Variants in CDH12 observed in about 807,000 individuals in gnomAD.
CDH12 encodes cadherin 12, also known as cadherin-12.
In CDH12, 41 loss-of-function variants were observed where a neutral mutation model predicts 74.1. That is an observed-to-expected ratio of 0.55 (90% confidence interval 0.43 to 0.72). The LOEUF is 0.72. Ranked by LOEUF, CDH12 falls within the 30% of genes least tolerant of loss-of-function variation. The pLI is 0.00. For missense variants in CDH12, 945 were observed against 977.2 expected, an observed-to-expected ratio of 0.97 and a Z score of 0.44; for synonymous variants, 399 against 355.0, an observed-to-expected ratio of 1.12 and a Z score of -1.39.
At chr5:22,240,943 G>A (rs533304755) in intron 3 of CDH12, among the ~76,000 whole-genome samples, 3 of 152,236 alleles carry the variant, frequency 2.0e-5, no homozygotes, top group Non-Finnish European at 4.4e-5. Context: ...GTAAAGTACA[G>A]AGGAAGAGGA....
intron 3 of CDH12, among the ~76,000 whole-genome samples, chr5:22,369,898 C>G (rs1741202706): frequency 6.6e-6 from 1 of 152,098 alleles, no homozygotes. Context: ...AATTTGTGAT[C>G]AATCACATTT....
chr5:21,978,101 A>G (rs979750437), intron 5 of CDH12, among the ~76,000 whole-genome samples: 7 of 152,220 alleles, frequency 4.6e-5, no homozygotes, highest in Non-Finnish European at 7.3e-5. Flanking sequence ...AGTGAAAGGT[A>G]TAAAGTAAGA....
chr5:22,026,306 G>T (rs1005441730), intron 5 of CDH12, among the ~76,000 whole-genome samples: 3 of 152,060 alleles, frequency 2.0e-5, no homozygotes, highest in Admixed American at 1.3e-4. Flanking sequence ...TAATAAAGAC[G>T]GACTGCAGAC....
intron 4 of CDH12, among the ~76,000 whole-genome samples, chr5:22,137,950 CAAAG>C (rs1210350174): frequency 6.6e-6 from 1 of 151,978 alleles, no homozygotes; most frequent in Admixed American, 6.6e-5. Context: ...TTTGTTGAAA[CAAAG>C]AATGAGAAAA....
At chr5:21,812,456 C>T (rs1415712451) in intron 9 of CDH12, among the ~76,000 whole-genome samples, 2 of 152,014 alleles carry the variant, frequency 1.3e-5, no homozygotes, top group Admixed American at 6.6e-5. Context: ...TGAGATACAC[C>T]TAATTCTTTA....
intron 6 of CDH12, among the ~76,000 whole-genome samples, chr5:21,931,056 T>A (rs148910389): frequency 4.6e-5 from 7 of 152,320 alleles, no homozygotes; most frequent in Admixed American, 4.6e-4. Context: ...TTAATGTTAA[T>A]ACATAGGCAG....
chr5:22,498,063 T>C (rs1747179556), intron 2 of CDH12, among the ~76,000 whole-genome samples: 1 of 152,184 alleles, frequency 6.6e-6, no homozygotes. Flanking sequence ...TGATTTAATT[T>C]GGAAAGCTCT....
At chr5:22,274,539 C>T (rs1489314219) in intron 3 of CDH12, among the ~76,000 whole-genome samples, 2 of 151,998 alleles carry the variant, frequency 1.3e-5, no homozygotes, top group African/African-American at 2.4e-5. Flanking sequence ...ATATTAACCA[C>T]AAACATGAAT....
intron 12 of CDH12, among the ~76,000 whole-genome samples, chr5:21,763,580 A>C (rs971661879): frequency 1.3e-5 from 2 of 152,246 alleles, no homozygotes; most frequent in African/African-American, 4.8e-5. Context: ...AAGGTGATCA[A>C]AAACTAGAGC....
intron 5 of CDH12, among the ~76,000 whole-genome samples, chr5:22,028,760 A>G (rs2150170205): frequency 6.6e-6 from 1 of 152,274 alleles, no homozygotes; most frequent in Non-Finnish European, 1.5e-5. Context: ...GGAAAAAACT[A>G]CTTTAAAGTT....
chr5:21,989,290 T>TCAATGTATTAGTAAATTCTTCCCA (rs1208870230), intron 5 of CDH12, among the ~76,000 whole-genome samples: 4 of 152,236 alleles, frequency 2.6e-5, no homozygotes, highest in African/African-American at 9.6e-5. Context: ...TGGAAGTGCT[T>TCAATGTATTAGTAAATTCTTCCCA]CAATGTATTA....
intron 6 of CDH12, among the ~76,000 whole-genome samples, chr5:21,923,886 C>T (rs886161077): frequency 6.6e-6 from 1 of 152,218 alleles, no homozygotes; most frequent in East Asian, 1.9e-4. Flanking sequence ...TTCTCTTTTG[C>T]AAATTGAAGA....
intron 1 of CDH12, among the ~76,000 whole-genome samples, chr5:22,840,173 T>G (rs960185459): frequency 6.6e-5 from 10 of 152,282 alleles, no homozygotes; most frequent in African/African-American, 2.2e-4. Context: ...CAGGCTGGAG[T>G]GCGGTTGCAC....
At chr5:22,776,763 A>G (rs2126331507) in intron 1 of CDH12, among the ~76,000 whole-genome samples, 1 of 152,274 alleles carries the variant, frequency 6.6e-6, no homozygotes, top group African/African-American at 2.4e-5. Flanking sequence ...TTACAACCTT[A>G]TGTCAGAATG....
chr5:21,870,255 A>G (rs1056438834), intron 6 of CDH12, among the ~76,000 whole-genome samples: 7 of 151,976 alleles, frequency 4.6e-5, no homozygotes, highest in African/African-American at 1.7e-4. Context: ...GGTCTAATAC[A>G]CCTAGAGAAT....
intron 4 of CDH12, among the ~76,000 whole-genome samples, chr5:22,133,802 T>C (rs1326721634): frequency 1.4e-5 from 2 of 147,964 alleles, no homozygotes; most frequent in African/African-American, 2.5e-5. Context: ...AGTTAAAGTA[T>C]GCTAGTCTTC....
Position 22,119,874 on chromosome 5 carries a change from T to C in CDH12, c.-186-41012A>G, listed in dbSNP as rs147701150. Among the ~76,000 whole-genome samples the C allele has an allele frequency of 5.0e-3, 765 of 152,292 alleles. 5 individuals are homozygous for C. The highest frequency in any genetic ancestry group is 0.017 in the African/African-American group (705 of 41,560). Reference sequence around the variant, plus strand: ...CTTGGAGATAAGTGATTTCCATTGTTAAACATTGGTATTATTCTCAAAATA... The same window carrying C: ...CTTGGAGATAAGTGATTTCCATTGTCAAACATTGGTATTATTCTCAAAATA... On this transcript the variant is annotated intron_variant, in intron 4 of 14. Transcript: ENST00000382254.
intron 5 of CDH12, among the ~76,000 whole-genome samples, chr5:22,041,917 C>T (rs1464437419): frequency 6.6e-6 from 1 of 152,132 alleles, no homozygotes; most frequent in African/African-American, 2.4e-5. Context: ...CAAAACAAGA[C>T]TTAACAAATG....
intron 8 of CDH12, among the ~76,000 whole-genome samples, chr5:21,836,569 T>A (rs1356532980): frequency 6.6e-6 from 1 of 151,736 alleles, no homozygotes; most frequent in African/African-American, 2.4e-5. Context: ...TTATTTTACT[T>A]AATTTGTTTT....
Sources: allele counts gnomAD v4.1 joint callset (sites outside exome capture counted in the v4.1 genomes callset), GRCh38; gene constraint gnomAD v4.1.1; transcripts MANE v1.5; gene names NCBI Gene and HGNC (gene_info 2026-07-23, HGNC 2026-07-21).